The following LEPROTL1 variants were observed in gnomAD, a reference collection of about 807,000 sequenced individuals.
LEPROTL1 encodes leptin receptor overlapping transcript like 1.
LEPROTL1 carries 6 observed loss-of-function variants against 15.4 expected under a neutral mutation model. The observed-to-expected ratio is 0.39, with a 90% confidence interval of 0.21 to 0.77. LEPROTL1 has a LOEUF of 0.77. Among genes scored for constraint, LEPROTL1 ranks in the 30% least tolerant of loss-of-function variants. The pLI, the probability that LEPROTL1 is intolerant of heterozygous loss-of-function variation, is 0.41. For synonymous variants in LEPROTL1, 56 were observed against 52.6 expected, an observed-to-expected ratio of 1.06 and a Z score of -0.28; for missense variants, 128 against 158.1, an observed-to-expected ratio of 0.81 and a Z score of 1.02.
intron 3 of LEPROTL1, among the ~76,000 whole-genome samples, chr8:30,128,821 C>G (rs918493126): frequency 6.6e-6 from 1 of 150,378 alleles, no homozygotes; most frequent in Non-Finnish European, 1.5e-5. Context: ...GTGTACCTCT[C>G]GAAGGATTTT....
intron 1 of LEPROTL1, among the ~76,000 whole-genome samples, chr8:30,101,553 G>A (rs1802466088): frequency 6.6e-6 from 1 of 151,686 alleles, no homozygotes; most frequent in Non-Finnish European, 1.5e-5. Context: ...TGTAATCCCA[G>A]CTTACTCAGG....
downstream of LEPROTL1, among the ~76,000 whole-genome samples, chr8:30,110,450 G>T (rs1292286258): frequency 2.0e-5 from 3 of 152,128 alleles, no homozygotes; most frequent in Non-Finnish European, 4.4e-5. Context: ...TAGAGGCTGG[G>T]CATGGTGGCT....
intron 3 of LEPROTL1, among the ~76,000 whole-genome samples, chr8:30,123,904 T>G (rs573422420): frequency 2.6e-5 from 4 of 152,044 alleles, no homozygotes; most frequent in African/African-American, 7.2e-5. Flanking sequence ...GAGCAGCATC[T>G]CTATCCACAG....
At chr8:30,129,978 C>T (rs1802972958) in intron 3 of LEPROTL1, among the ~76,000 whole-genome samples, 2 of 152,078 alleles carry the variant, frequency 1.3e-5, no homozygotes, top group Admixed American at 1.3e-4. Flanking sequence ...CATGTGAAAG[C>T]TCACTCACTA....
downstream of LEPROTL1, among the ~76,000 whole-genome samples, chr8:30,112,692 C>G (rs932615496): frequency 6.6e-6 from 1 of 151,824 alleles, no homozygotes; most frequent in Non-Finnish European, 1.5e-5. Flanking sequence ...GTAACCTTAG[C>G]CGAGTTATTT....
At chr8:30,119,095 G>A (rs990753564) in intron 3 of LEPROTL1, among the ~76,000 whole-genome samples, 28 of 152,274 alleles carry the variant, frequency 1.8e-4, no homozygotes, top group South Asian at 6.2e-4. Flanking sequence ...TAGGCTTTCC[G>A]CAGTGCATTG....
chr8:30,132,749 A>T, intron 4 of LEPROTL1: 1 of 1,551,722 alleles, frequency 6.4e-7, no homozygotes, highest in Non-Finnish European at 8.7e-7. Flanking sequence ...AAGAGCAAGT[A>T]GCTGAAATAG....
chr8:30,106,489 T>G lies in LEPROTL1; in HGVS notation c.*627T>G, dbSNP rs925543707. 4.1e-6 allele frequency: 4 copies of G among 985,776 alleles called. No homozygotes were observed. Among genetic ancestry groups the G allele is most frequent in the Non-Finnish European group, 4.8e-6 (4 of 829,934 alleles). The allele number at this position is 985,776 out of a possible 1,614,324, so 61.1% of individuals were successfully genotyped here. ...TGGTTTTACTGGTAGACAGATGTTT[T>G]GTGGATTGAAAATTATTTTATGGAA... is the stretch of plus-strand genomic sequence containing the variant. On this transcript the variant is annotated 3_prime_UTR_variant, in exon 4 of 4. Coordinates refer to ENST00000321250, the MANE Select transcript of LEPROTL1 (RefSeq NM_015344.3).
downstream of LEPROTL1, among the ~76,000 whole-genome samples, chr8:30,109,378 A>C (rs1802621636): frequency 6.6e-6 from 1 of 152,232 alleles, no homozygotes; most frequent in Admixed American, 6.5e-5. Context: ...AAGGAAGAAA[A>C]CATGTCCTGT....
intron 3 of LEPROTL1, chr8:30,131,769 A>G (rs1563220140): frequency 1.4e-6 from 1 of 698,028 alleles, no homozygotes; most frequent in Non-Finnish European, 2.3e-6. Context: ...TACCAGCAGA[A>G]TAGCTTGCTA....
At chr8:30,095,774 C>T (rs554474173) in intron 1 of LEPROTL1, 1 of 700,450 alleles carries the variant, frequency 1.4e-6, no homozygotes, top group Non-Finnish European at 2.6e-6. Context: ...TCGGCAGCCT[C>T]TCTCCCACCC....
intron 3 of LEPROTL1, among the ~76,000 whole-genome samples, chr8:30,119,388 G>T (rs913814869): frequency 2.0e-5 from 3 of 152,144 alleles, no homozygotes; most frequent in Non-Finnish European, 4.4e-5. Flanking sequence ...TTTCCCTACA[G>T]TCTCCCTCAT....
intron 3 of LEPROTL1, among the ~76,000 whole-genome samples, chr8:30,131,076 G>C (rs1411542482): frequency 1.3e-5 from 2 of 151,720 alleles, no homozygotes; most frequent in Admixed American, 1.3e-4. Context: ...TTACAGGTGT[G>C]AGCCACAACG....
At chr8:30,121,250 G>A (rs1201344963) in intron 3 of LEPROTL1, among the ~76,000 whole-genome samples, 1 of 151,356 alleles carries the variant, frequency 6.6e-6, no homozygotes, top group East Asian at 1.9e-4. Flanking sequence ...TTTTGTTTTT[G>A]TTTTTGTTTT....
intron 4 of LEPROTL1, chr8:30,132,734 G>A (rs769971085): frequency 1.3e-5 from 20 of 1,551,674 alleles, no homozygotes; most frequent in Non-Finnish European, 1.6e-5. Flanking sequence ...AGGAGAGCAG[G>A]GAAAAAGAGC....
chr8:30,132,344 A>G, intron 3 of LEPROTL1: 1 of 1,551,762 alleles, frequency 6.4e-7, no homozygotes, highest in African/African-American at 1.4e-5. Context: ...CACTTTCTTG[A>G]GAACACAGAT....
At position 30,107,529 on chromosome 8, in the gene LEPROTL1, C is replaced by T. The variant is rs541147125; in HGVS notation, c.*1667C>T. On this transcript the variant is annotated 3_prime_UTR_variant, in exon 4 of 4. Coordinates refer to ENST00000321250, the MANE Select transcript of LEPROTL1 (RefSeq NM_015344.3). Reference sequence around the variant, plus strand: ...TTGTTCAGCTTTTTTACTAAAGATGCCTAAAGCCACAGGTTTTATTGCCTA... The same window carrying T: ...TTGTTCAGCTTTTTTACTAAAGATGTCTAAAGCCACAGGTTTTATTGCCTA... The T allele has an allele frequency of 1.0e-6, 1 of 985,760 alleles. No homozygotes were observed. Among genetic ancestry groups the T allele is most frequent in the South Asian group, 4.7e-5 (1 of 21,284 alleles). 61.1% of individuals were successfully genotyped at this position (985,760 alleles called of 1,614,324 possible).
chr8:30,108,079 G>A lies in LEPROTL1; in HGVS notation c.*2217G>A, dbSNP rs1802599545. The stretch of plus-strand genomic sequence containing the variant: ...TTTTAAATATCTATTTTAGTTTGTG[G>A]GTGTTTTTGAAATGAAAATATATGG... On this transcript the variant is annotated 3_prime_UTR_variant, in exon 4 of 4. Coordinates refer to ENST00000321250, the MANE Select transcript of LEPROTL1 (RefSeq NM_015344.3). 1.2e-5 allele frequency: 10 copies of A among 819,386 alleles called. No homozygotes were observed. Among genetic ancestry groups the A allele is most frequent in the Non-Finnish European group, 1.5e-5 (10 of 678,980 alleles). 50.8% of individuals were successfully genotyped at this position (819,386 alleles called of 1,614,324 possible). A position where few individuals can be genotyped will look rare whatever the true frequency, so the allele number is the denominator to read the frequency against.
At chr8:30,095,738 C>G in intron 1 of LEPROTL1, 1 of 693,506 alleles carries the variant, frequency 1.4e-6, no homozygotes. Flanking sequence ...CCGGCTTCGC[C>G]CCGCAGCCCC....
Sources: allele counts gnomAD v4.1 joint callset (sites outside exome capture counted in the v4.1 genomes callset), GRCh38; gene constraint gnomAD v4.1.1; transcripts MANE v1.5; gene names NCBI Gene and HGNC (gene_info 2026-07-23, HGNC 2026-07-21).